TAF4B: variants seen among roughly 807,000 people sequenced by gnomAD.
TAF4B encodes transcription initiation factor TFIID subunit 4B.
Under a neutral mutation model 86.4 loss-of-function variants are expected in TAF4B, and 38 were observed. The ratio of observed to expected loss-of-function variants is 0.44; its 90% CI spans 0.34 to 0.58. The LOEUF is 0.58. TAF4B is among the 20% of genes least tolerant of loss of function. The pLI, the probability that TAF4B is intolerant of heterozygous loss-of-function variation, is 0.02. For synonymous variants in TAF4B, 388 were observed against 391.2 expected (o/e 0.99, Z 0.10); for missense variants, 988 against 1,027.6 (o/e 0.96, Z 0.53).
chr18:26,234,002 A>G (rs931458925), intron 1 of TAF4B, among the ~76,000 whole-genome samples: 22 of 152,194 alleles, frequency 1.4e-4, no homozygotes, highest in African/African-American at 5.3e-4. Flanking sequence ...CTCAATACCT[A>G]TATGAAAAGT....
intron 1 of TAF4B, among the ~76,000 whole-genome samples, chr18:26,254,579 G>T (rs2056054099): frequency 1.3e-5 from 2 of 152,074 alleles, no homozygotes; most frequent in Non-Finnish European, 2.9e-5. Context: ...TAAGAAATGT[G>T]CCCCAAGAAG....
At chr18:26,293,380 T>C (rs2056620370) in intron 8 of TAF4B, 46 bp from the exon 9 acceptor site, 1 of 1,363,858 alleles carries the variant, frequency 7.3e-7, no homozygotes, top group Admixed American at 2.1e-5. Flanking sequence ...TAATGTGGTG[T>C]GATTGCTTTT....
intron 9 of TAF4B, chr18:26,295,226 C>T (rs945391371): frequency 2.5e-6 from 1 of 407,252 alleles, no homozygotes; most frequent in East Asian, 8.2e-5. Context: ...TTAAAATGTT[C>T]ACCATCGGTC....
At chr18:26,253,568 C>T (rs1220662477) in intron 1 of TAF4B, among the ~76,000 whole-genome samples, 1 of 152,086 alleles carries the variant, frequency 6.6e-6, no homozygotes, top group East Asian at 1.9e-4. Flanking sequence ...TTTTTGGTAT[C>T]GTTAATACTG....
intron 14 of TAF4B, among the ~76,000 whole-genome samples, chr18:26,387,636 T>C (rs922924945): frequency 6.6e-6 from 1 of 152,160 alleles, no homozygotes; most frequent in African/African-American, 2.4e-5. Context: ...TTGCATTCAT[T>C]ACCAAGAACC....
At chr18:26,264,774 A>C (rs181180736) in intron 1 of TAF4B, among the ~76,000 whole-genome samples, 1 of 152,216 alleles carries the variant, frequency 6.6e-6, no homozygotes, top group African/African-American at 2.4e-5. Context: ...TCCTTTCCTC[A>C]TAAGTCTACA....
intron 1 of TAF4B, among the ~76,000 whole-genome samples, chr18:26,234,402 C>G (rs1329322437): frequency 6.6e-6 from 1 of 152,204 alleles, no homozygotes; most frequent in South Asian, 2.1e-4. Flanking sequence ...GTTGGGAACT[C>G]CCTTTCTTTC....
intron 1 of TAF4B, among the ~76,000 whole-genome samples, chr18:26,239,722 T>C (rs374116852): frequency 3.9e-5 from 6 of 152,254 alleles, no homozygotes; most frequent in Non-Finnish European, 5.9e-5. Context: ...TGGTTTTAGG[T>C]CTAACATTTA....
At chr18:26,278,781 T>C (rs2056412867) in intron 5 of TAF4B, among the ~76,000 whole-genome samples, 1 of 152,132 alleles carries the variant, frequency 6.6e-6, no homozygotes. Flanking sequence ...GATGTTAGTA[T>C]TAATGGAAAA....
intron 13 of TAF4B, among the ~76,000 whole-genome samples, chr18:26,340,447 A>C (rs948767771): frequency 6.6e-6 from 1 of 152,234 alleles, no homozygotes; most frequent in Admixed American, 6.5e-5. Flanking sequence ...AAATTAATAT[A>C]GCAAGAGGAA....
At position 26,285,222 on chromosome 18, in the gene TAF4B, G is replaced by GTTTTTGTTTTTGTTTTTTTTT; in HGVS notation, c.973-655_973-654insGTTTTTGTTTTTTTTTTTTTT. On this transcript the variant is annotated intron_variant, in intron 6 of 14. Coordinates refer to ENST00000269142, the MANE Select transcript of TAF4B (RefSeq NM_005640.3). ...ATTTCTTCCTTTCCTTTTTTTTTTT[G>GTTTTTGTTTTTGTTTTTTTTT]TTTTTTTTTTTTTTGGAGATGGGGT... Among the ~76,000 whole-genome samples the GTTTTTGTTTTTGTTTTTTTTT allele has an allele frequency of 8.3e-4, 38 of 45,682 alleles. 4 individuals are homozygous for GTTTTTGTTTTTGTTTTTTTTT. The highest frequency in any genetic ancestry group is 2.3e-3 in the African/African-American group (37 of 15,976). The allele number at this position is 45,682 out of a possible 152,430, so 30.0% of individuals were successfully genotyped here.
chr18:26,265,723 G>A (rs142515215), intron 2 of TAF4B, among the ~76,000 whole-genome samples: 98 of 152,110 alleles, frequency 6.4e-4, no homozygotes, highest in African/African-American at 2.2e-3. Flanking sequence ...CACCATGCCC[G>A]ACTAATTTTA....
At chr18:26,383,752 G>A (rs1328330484) in intron 14 of TAF4B, among the ~76,000 whole-genome samples, 2 of 152,156 alleles carry the variant, frequency 1.3e-5, no homozygotes, top group Non-Finnish European at 2.9e-5. Context: ...TAGACATTTA[G>A]GAGTGATGAA....
At chr18:26,328,549 ACT>A (rs1314195146) in intron 12 of TAF4B, among the ~76,000 whole-genome samples, 3 of 152,064 alleles carry the variant, frequency 2.0e-5, no homozygotes, top group Non-Finnish European at 4.4e-5. Context: ...TGTACAAAGT[ACT>A]CTCAGTCCCC....
At chr18:26,284,322 C>T (rs538977570) in intron 6 of TAF4B, among the ~76,000 whole-genome samples, 3 of 152,336 alleles carry the variant, frequency 2.0e-5, no homozygotes, top group Non-Finnish European at 2.9e-5. Flanking sequence ...CTGTCCACAC[C>T]ACTCAAACTT....
intron 1 of TAF4B, among the ~76,000 whole-genome samples, chr18:26,236,674 T>A (rs190911823): frequency 6.6e-6 from 1 of 152,276 alleles, no homozygotes; most frequent in Admixed American, 6.5e-5. Flanking sequence ...CCATTTTCTG[T>A]CCTCTCTGAA....
intron 9 of TAF4B, among the ~76,000 whole-genome samples, chr18:26,300,058 T>C (rs2056712153): frequency 6.6e-6 from 1 of 152,132 alleles, no homozygotes; most frequent in Non-Finnish European, 1.5e-5. Context: ...TAGAGTGCAG[T>C]GGCACTTCAA....
At chr18:26,269,741 A>G (rs2056289300) in intron 3 of TAF4B, among the ~76,000 whole-genome samples, 1 of 152,192 alleles carries the variant, frequency 6.6e-6, no homozygotes, top group South Asian at 2.1e-4. Flanking sequence ...CCTTGTGACT[A>G]TACTATAAGG....
Position 26,226,622 on chromosome 18 carries a change from A to T in TAF4B, c.-312A>T. On this transcript the variant is annotated 5_prime_UTR_variant, in exon 1 of 15. Coordinates refer to ENST00000269142, the MANE Select transcript of TAF4B (RefSeq NM_005640.3). ...GAGCCGCAAGTCCAGGCTCCCCCGC[A>T]GCGGGACCCGAGCCTGAGGCGCAGG... 7.7e-6 allele frequency: 2 copies of T among 258,628 alleles called. No individual in the cohort carries two copies. The highest frequency in any genetic ancestry group is 1.5e-5 in the Non-Finnish European group (2 of 137,222). 16.0% of individuals were successfully genotyped at this position (258,628 alleles called of 1,614,324 possible).
Sources: allele counts gnomAD v4.1 joint callset (sites outside exome capture counted in the v4.1 genomes callset), GRCh38; gene constraint gnomAD v4.1.1; transcripts MANE v1.5; gene names NCBI Gene and HGNC (gene_info 2026-07-23, HGNC 2026-07-21).